Variants in RALGPS1 observed in about 807,000 individuals in gnomAD.
The protein encoded by RALGPS1 is Ral GEF with PH domain and SH3 binding motif 1, also known as ras-specific guanine nucleotide-releasing factor RalGPS1.
Under a neutral mutation model 78.8 loss-of-function variants are expected in RALGPS1, and 19 were observed. The observed-to-expected ratio is 0.24, with a 90% CI of 0.17 to 0.35. The LOEUF is 0.35. Ranked by LOEUF, RALGPS1 falls within the 10% of genes least tolerant of loss-of-function variation. The probability of loss-of-function intolerance (pLI) is 1.00; values close to 1 mark genes in which losing one functional copy is unlikely to be tolerated. For missense variants in RALGPS1, 454 were observed against 688.3 expected, an observed-to-expected ratio of 0.66 and a Z score of 3.81; for synonymous variants, 228 against 256.3, an observed-to-expected ratio of 0.89 and a Z score of 1.06.
intron 1 of RALGPS1, among the ~76,000 whole-genome samples, chr9:126,950,067 G>C (rs1448953830): frequency 2.6e-5 from 4 of 151,876 alleles, no homozygotes; most frequent in African/African-American, 9.7e-5. Flanking sequence ...TTATTAAATA[G>C]GGAATCCTTT....
chr9:127,101,904 C>A (rs2053767803), intron 8 of RALGPS1, among the ~76,000 whole-genome samples: 1 of 152,040 alleles, frequency 6.6e-6, no homozygotes, highest in South Asian at 2.1e-4. Context: ...GGAAAAGTAA[C>A]TTATTTTTTT....
rs199937278 is a variant in RALGPS1 at position 127,213,010 on chromosome 9, G to A, written c.1513G>A (p.Glu505Lys). 13 of 1,614,206 alleles carry A rather than the reference G, an allele frequency of 8.1e-6. No homozygotes were observed. The highest frequency in any genetic ancestry group is 5.3e-5 in the African/African-American group (4 of 75,048). Residue 505 changes from glutamate to lysine, a missense_variant, in exon 17 of 19, where the codon GAG becomes AAG. Coordinates refer to ENST00000259351, the MANE Select transcript of RALGPS1 (RefSeq NM_014636.3). ...GATGGTGCAGCTGCCCGATGACCCC[G>A]AGCACCCAGATATCTTCCAGCTGAA... ...GWMVQLPDDP[E>K]HPDIFQLNNP...
At chr9:127,179,134 A>G (rs562140129) in intron 11 of RALGPS1, among the ~76,000 whole-genome samples, 14 of 152,356 alleles carry the variant, frequency 9.2e-5, no homozygotes, top group South Asian at 8.3e-4. Flanking sequence ...TTTCCACAGC[A>G]GAGCAAGCCC....
intron 8 of RALGPS1, among the ~76,000 whole-genome samples, chr9:127,134,153 C>T (rs1343362085): frequency 6.6e-6 from 1 of 152,146 alleles, no homozygotes; most frequent in Non-Finnish European, 1.5e-5. Flanking sequence ...GCTGCCCACC[C>T]TCCACACACA....
At chr9:126,977,638 C>G (rs768890089) in intron 3 of RALGPS1, 57 bp from the exon 4 acceptor site, 8 of 1,238,650 alleles carry the variant, frequency 6.5e-6, no homozygotes, top group South Asian at 1.3e-5. Flanking sequence ...TATAAAGTAA[C>G]ATGACAGTTA....
intron 4 of RALGPS1, among the ~76,000 whole-genome samples, chr9:126,987,641 C>T (rs1308142984): frequency 6.6e-6 from 1 of 152,148 alleles, no homozygotes; most frequent in Non-Finnish European, 1.5e-5. Flanking sequence ...GTACCAATTT[C>T]AGTGAGGTGG....
chr9:126,926,933 A>G (rs2035336531), intron 1 of RALGPS1, among the ~76,000 whole-genome samples: 1 of 152,162 alleles, frequency 6.6e-6, no homozygotes. Flanking sequence ...TGAAACGTGA[A>G]AGGAATACTG....
intron 1 of RALGPS1, among the ~76,000 whole-genome samples, chr9:126,936,078 G>A (rs185258399): frequency 7.2e-5 from 11 of 152,354 alleles, no homozygotes; most frequent in Non-Finnish European, 1.5e-4. Flanking sequence ...GAAGACCGCA[G>A]TCTGCTAACC....
chr9:126,922,886 G>GA (rs1217255750), intron 1 of RALGPS1, among the ~76,000 whole-genome samples: 2 of 152,158 alleles, frequency 1.3e-5, no homozygotes. Flanking sequence ...ATTTCTGTCA[G>GA]AAAAAAGACC....
chr9:127,059,161 A>G (rs1339544957), intron 7 of RALGPS1, among the ~76,000 whole-genome samples: 1 of 152,188 alleles, frequency 6.6e-6, no homozygotes, highest in Non-Finnish European at 1.5e-5. Flanking sequence ...AAAGTCTTTC[A>G]TCCAGGAAGT....
intron 8 of RALGPS1, among the ~76,000 whole-genome samples, chr9:127,137,284 A>G (rs2057464696): frequency 6.6e-6 from 1 of 152,124 alleles, no homozygotes; most frequent in Non-Finnish European, 1.5e-5. Context: ...CTAGTGGCCC[A>G]CTCTAGGCCA....
chr9:127,199,398 C>G (rs1170466150), intron 14 of RALGPS1, among the ~76,000 whole-genome samples: 1 of 152,196 alleles, frequency 6.6e-6, no homozygotes, highest in Non-Finnish European at 1.5e-5. Flanking sequence ...GTGGCCTGTT[C>G]TTGAGATGGG....
intron 1 of RALGPS1, among the ~76,000 whole-genome samples, chr9:126,931,433 C>T (rs530721483): frequency 2.6e-5 from 4 of 152,296 alleles, no homozygotes; most frequent in African/African-American, 9.6e-5. Flanking sequence ...GAGTATTATT[C>T]AGCCATAAAA....
intron 1 of RALGPS1, among the ~76,000 whole-genome samples, chr9:126,946,020 TAGAG>T (rs1467200782): frequency 2.0e-5 from 3 of 152,162 alleles, no homozygotes; most frequent in Non-Finnish European, 1.5e-5. Context: ...GAATAAACCA[TAGAG>T]GGACGGGGCG....
rs1169564339 is a variant in RALGPS1, at chr9:127,212,417, G to C, written c.1353+181G>C. On this transcript the variant is annotated intron_variant, in intron 15 of 18. Coordinates refer to ENST00000259351, the MANE Select transcript of RALGPS1 (RefSeq NM_014636.3). This position sits in a 1 kb window ranked among gnomAD's most constrained non-coding sequence, Gnocchi z 6.0. ...CTGCCGTAAAATGAACAAAGGGAAG[G>C]CTCCTTGAGTAAAGGAGCAAGAGAC... Among the ~76,000 whole-genome samples, 1 of 152,188 alleles carries C rather than the reference G, an allele frequency of 6.6e-6. No homozygotes were observed. The highest frequency in any genetic ancestry group is 2.4e-5 in the African/African-American group (1 of 41,444).
intron 14 of RALGPS1, among the ~76,000 whole-genome samples, chr9:127,207,184 C>A (rs1310249925): frequency 6.6e-6 from 1 of 152,094 alleles, no homozygotes; most frequent in Non-Finnish European, 1.5e-5. Context: ...ATCCCATCAT[C>A]TCATTGTCCC....
chr9:127,048,874 G>T (rs1006673580), intron 5 of RALGPS1, among the ~76,000 whole-genome samples: 4 of 152,148 alleles, frequency 2.6e-5, no homozygotes, highest in African/African-American at 9.7e-5. Context: ...TGTCCTGGAG[G>T]CAACCACAGA....
rs556617808 is a variant in RALGPS1, at chr9:127,112,318, C to A, written c.610+42962C>A. On this transcript the variant is annotated intron_variant, in intron 8 of 18. Transcript: ENST00000259351. ...CCTGTGCTAGTGGTCACACCCACCC[C>A]AGAACAATGGGGAGGAGCCGCCCCC... Among the ~76,000 whole-genome samples the A allele has an allele frequency of 2.0e-5, 3 of 152,310 alleles. No individual in the cohort carries two copies. The South Asian group carries it at 6.2e-4, about 32-fold the overall frequency.
At chr9:127,021,922 T>C (rs576373614) in intron 4 of RALGPS1, among the ~76,000 whole-genome samples, 23 of 152,256 alleles carry the variant, frequency 1.5e-4, no homozygotes, top group Non-Finnish European at 3.2e-4. Flanking sequence ...AGCTACGTAG[T>C]ACTAGGGCTG....
Sources: allele counts gnomAD v4.1 joint callset (sites outside exome capture counted in the v4.1 genomes callset), GRCh38; gene constraint gnomAD v4.1.1; non-coding constraint Gnocchi (gnomAD v3.1); transcripts MANE v1.5; gene names NCBI Gene and HGNC (gene_info 2026-07-23, HGNC 2026-07-21).